The following PRIM2 variants were observed in gnomAD, a reference collection of about 807,000 sequenced individuals.
PRIM2 encodes DNA primase large subunit.
A neutral mutation model predicts 67.3 loss-of-function variants in PRIM2; 39 were observed. That is an observed-to-expected ratio of 0.58 (90% CI 0.45 to 0.76). The LOEUF is 0.76. PRIM2 is among the 30% of genes least tolerant of loss of function. The pLI, the probability that PRIM2 is intolerant of heterozygous loss-of-function variation, is 0.00. For synonymous variants in PRIM2, 143 were observed against 198.7 expected (o/e 0.72, Z 2.36); for missense variants, 398 against 598.7 (o/e 0.66, Z 3.50).
At chr6:57,286,466 C>A in the PRIM2 span, among the ~76,000 whole-genome samples, 1 of 151,884 alleles carries the variant, frequency 6.6e-6, no homozygotes, top group Non-Finnish European at 1.5e-5. Flanking sequence ...CATCTACAAC[C>A]GTCTCATCTT....
intron 8 of PRIM2, among the ~76,000 whole-genome samples, chr6:57,518,279 C>T (rs1470187474): frequency 7.2e-5 from 11 of 152,176 alleles, no homozygotes; most frequent in African/African-American, 2.7e-4. Flanking sequence ...ATGTGTATAG[C>T]GGTGCATCTT....
At chr6:57,277,658 C>G in the PRIM2 span, among the ~76,000 whole-genome samples, 1 of 152,006 alleles carries the variant, frequency 6.6e-6, no homozygotes, top group South Asian at 2.1e-4. Context: ...GATGTGAATT[C>G]AGAATCAGTG....
intron 8 of PRIM2, among the ~76,000 whole-genome samples, chr6:57,523,872 GA>G: frequency 6.6e-6 from 1 of 152,244 alleles, no homozygotes; most frequent in African/African-American, 2.4e-5. Context: ...GTGGTACATT[GA>G]ACAGGACTTA....
At chr6:57,535,038 A>T (rs1383420470) in intron 9 of PRIM2, among the ~76,000 whole-genome samples, 25 of 152,146 alleles carry the variant, frequency 1.6e-4, no homozygotes, top group Non-Finnish European at 3.2e-4. Flanking sequence ...CTCTTCGAGG[A>T]CAGGGTTTTT....
the PRIM2 span, among the ~76,000 whole-genome samples, chr6:57,230,308 C>G: frequency 6.6e-6 from 1 of 152,200 alleles, no homozygotes; most frequent in South Asian, 2.1e-4. Flanking sequence ...TTCCAGCCTT[C>G]TCTTTCATCT....
the PRIM2 span, among the ~76,000 whole-genome samples, chr6:57,257,341 G>A: frequency 2.0e-5 from 3 of 149,196 alleles, no homozygotes; most frequent in Non-Finnish European, 4.4e-5. Context: ...GCGCAATCTC[G>A]GCTCACCGCA....
rs1360719755 is a variant in PRIM2, at chr6:57,628,025, C to T, written c.1231-4108C>T. ...GGTATTATTGCAATATGCAAGAGGA[C>T]CTCATAAGGTGCTCTGGTTCTTTCA... On this transcript the variant is annotated intron_variant, in intron 12 of 13. Coordinates refer to ENST00000615550, the MANE Select transcript of PRIM2 (RefSeq NM_000947.5). Among the ~76,000 whole-genome samples the T allele has an allele frequency of 3.6e-3, 549 of 152,282 alleles. 2 individuals are homozygous for T. The highest frequency in any genetic ancestry group is 0.012 in the African/African-American group (515 of 41,566).
At chr6:57,240,315 G>C in the PRIM2 span, among the ~76,000 whole-genome samples, 5 of 152,018 alleles carry the variant, frequency 3.3e-5, no homozygotes, top group African/African-American at 1.2e-4. Context: ...TGGTTAGGCT[G>C]GTCTCAAACT....
intron 5 of PRIM2, among the ~76,000 whole-genome samples, chr6:57,366,359 A>T (rs1467452550): frequency 6.6e-6 from 1 of 152,210 alleles, no homozygotes; most frequent in African/African-American, 2.4e-5. Flanking sequence ...AAGAGTTTAA[A>T]GGCCTGGGAT....
At chr6:57,567,962 GT>G (rs1317820004) in intron 10 of PRIM2, among the ~76,000 whole-genome samples, 1 of 151,942 alleles carries the variant, frequency 6.6e-6, no homozygotes, top group Non-Finnish European at 1.5e-5. Flanking sequence ...TATGCATTTG[GT>G]TTGATTTTAA....
At chr6:57,224,335 C>T in the PRIM2 span, among the ~76,000 whole-genome samples, 5 of 152,084 alleles carry the variant, frequency 3.3e-5, no homozygotes, top group African/African-American at 4.8e-5. Flanking sequence ...TATGCCTAGT[C>T]GCAAAAGGAC....
chr6:57,260,592 C>G, the PRIM2 span, among the ~76,000 whole-genome samples: 1 of 152,064 alleles, frequency 6.6e-6, no homozygotes, highest in Admixed American at 6.6e-5. Context: ...TTTTTGGTCT[C>G]CAATCCTTGG....
upstream of PRIM2, among the ~76,000 whole-genome samples, chr6:57,311,603 C>T (rs191631045): frequency 6.6e-6 from 1 of 152,226 alleles, no homozygotes; most frequent in East Asian, 1.9e-4. Context: ...CAGGCAGAGA[C>T]GCTGCTCACT....
At chr6:57,229,499 T>A in the PRIM2 span, among the ~76,000 whole-genome samples, 176 of 152,200 alleles carry the variant, frequency 1.2e-3, no homozygotes, top group Non-Finnish European at 1.6e-3. Context: ...TTTATTTTTT[T>A]TTTTTTGAGA....
intron 7 of PRIM2, among the ~76,000 whole-genome samples, chr6:57,404,349 C>T (rs1770813057): frequency 8.4e-6 from 1 of 118,788 alleles, no homozygotes; most frequent in Non-Finnish European, 1.7e-5. Context: ...CTCCAGGGTA[C>T]AGATTGTGTT....
chr6:57,458,195 T>C (rs1772871818), intron 7 of PRIM2, among the ~76,000 whole-genome samples: 1 of 152,204 alleles, frequency 6.6e-6, no homozygotes, highest in East Asian at 1.9e-4. Flanking sequence ...CTGTTCCATA[T>C]TGTCTTCATT....
In PRIM2 at chr6:57,467,921, CTGTT is replaced by C. The variant is rs1407302812; in HGVS notation, c.694-39462_694-39459del. 2.0e-5 allele frequency among the ~76,000 whole-genome samples: 3 copies of C among 152,122 alleles called. No homozygotes were observed. The East Asian group carries it at 5.8e-4, about 29-fold the overall frequency. On this transcript the variant is annotated intron_variant, in intron 7 of 13. Coordinates refer to ENST00000615550, the MANE Select transcript of PRIM2 (RefSeq NM_000947.5). ...GAATGGAAGTTCACTCATGGTTTGG[CTGTT>C]TGTCTGTTATTGGTATATAGGAATG...
chr6:57,431,168 T>A (rs1426768023), intron 7 of PRIM2, among the ~76,000 whole-genome samples: 1 of 151,966 alleles, frequency 6.6e-6, no homozygotes, highest in African/African-American at 2.4e-5. Flanking sequence ...TTATTGCCTC[T>A]TTTTTTTAAT....
intron 7 of PRIM2, among the ~76,000 whole-genome samples, chr6:57,505,848 A>G (rs1443382939): frequency 2.0e-5 from 3 of 152,168 alleles, no homozygotes; most frequent in Non-Finnish European, 4.4e-5. Context: ...ATAGATTGAC[A>G]GAAGTGACTG....
Sources: gnomAD v4.1 joint callset for allele counts (sites outside exome capture counted in the v4.1 genomes callset) on GRCh38, gnomAD v4.1.1 for gene constraint, MANE v1.5 for transcripts, NCBI Gene and HGNC (gene_info 2026-07-23, HGNC 2026-07-21) for gene names.